IGF2R: variants seen among roughly 807,000 people sequenced by gnomAD.
IGF2R encodes the protein cation-independent mannose-6-phosphate receptor.
IGF2R carries 91 observed loss-of-function variants against 270.6 expected under a neutral mutation model. The observed-to-expected ratio is 0.34, with a 90% CI of 0.28 to 0.40. The LOEUF is 0.40. IGF2R is among the 10% of genes least tolerant of loss of function. The pLI, the probability that IGF2R is intolerant of heterozygous loss-of-function variation, is 1.00. For synonymous variants in IGF2R, 1,316 were observed against 1,258.9 expected (o/e 1.05, Z -0.96); for missense variants, 2,805 against 3,188.3 (o/e 0.88, Z 2.90).
intron 32 of IGF2R, 57 bp downstream of exon 32, chr6:160,072,093 A>C: frequency 6.2e-7 from 1 of 1,608,334 alleles, no homozygotes; most frequent in Non-Finnish European, 8.5e-7. Context: ...TGCCCCCACC[A>C]AACCCAGCTC....
At chr6:159,975,322 A>T (rs957361388) in intron 1 of IGF2R, among the ~76,000 whole-genome samples, 28 of 152,190 alleles carry the variant, frequency 1.8e-4, no homozygotes, top group African/African-American at 6.0e-4. Context: ...AGGGCGAGGT[A>T]TTGGGGAAGG....
chr6:160,032,483 T>C, intron 7 of IGF2R, 68 bp from the exon 8 acceptor site: 1 of 1,426,030 alleles, frequency 7.0e-7, no homozygotes, highest in East Asian at 2.3e-5. Flanking sequence ...TTTTCATAAG[T>C]GTGGAAAATC....
rs114271206 is a variant in IGF2R at position 159,990,499 on chromosome 6, C to G, written c.150-685C>G. On this transcript the variant is annotated intron_variant, in intron 1 of 47. Coordinates refer to ENST00000356956, the MANE Select transcript of IGF2R (RefSeq NM_000876.4). ...GTTTCTTGAGGCCTCCCTAGCCATG[C>G]TTAACTATGAGTCAATTAAACCTCT... Among the ~76,000 whole-genome samples, 162 of 152,328 alleles carry G rather than the reference C, an allele frequency of 1.1e-3. 2 individuals carry two copies. Among genetic ancestry groups the G allele is most frequent in the African/African-American group, 3.7e-3 (155 of 41,578 alleles).
chr6:160,025,673 T>A (rs1233883425), intron 5 of IGF2R, among the ~76,000 whole-genome samples: 1 of 152,054 alleles, frequency 6.6e-6, no homozygotes, highest in Non-Finnish European at 1.5e-5. Flanking sequence ...GATAACTAGG[T>A]TTTTTTGTGT....
At chr6:160,027,823 C>T (rs755104580) in intron 6 of IGF2R, among the ~76,000 whole-genome samples, 3 of 152,200 alleles carry the variant, frequency 2.0e-5, no homozygotes, top group Admixed American at 1.3e-4. Flanking sequence ...GGCAGACATA[C>T]GCATTTCTCT....
chr6:160,043,086 A>T (rs989657474), intron 11 of IGF2R, 62 bp from the exon 12 acceptor site: 1 of 1,578,200 alleles, frequency 6.3e-7, no homozygotes, highest in Non-Finnish European at 8.7e-7. Flanking sequence ...ATCACTATTT[A>T]TTCTGTGACT....
At chr6:160,067,215 G>A (rs1440074937) in intron 29 of IGF2R, among the ~76,000 whole-genome samples, 1 of 152,020 alleles carries the variant, frequency 6.6e-6, no homozygotes, top group Non-Finnish European at 1.5e-5. Context: ...TGTGCCTCGG[G>A]CCCTTTGCTC....
chr6:160,084,945 A>G lies in IGF2R; in HGVS notation c.6069-50A>G. ...GTGAAGAGCCCTCCTGTGTCAGGGC[A>G]GAGACGTCACTTGCATGCCTTTTAC... On this transcript the variant is annotated intron_variant, in intron 40 of 47. Transcript: ENST00000356956. The surrounding 1 kb of genome is among the most constrained non-coding windows in gnomAD (Gnocchi z 4.6). 3.2e-6 allele frequency: 5 copies of G among 1,583,950 alleles called. No individual in the cohort carries two copies. The highest frequency in any genetic ancestry group is 4.3e-6 in the Non-Finnish European group (5 of 1,157,160).
intron 4 of IGF2R, among the ~76,000 whole-genome samples, chr6:160,018,997 C>T (rs372203213): frequency 6.6e-6 from 1 of 151,852 alleles, no homozygotes; most frequent in South Asian, 2.1e-4. Context: ...CCAAAAAATG[C>T]AGTACAAAGG....
chr6:160,008,601 C>T (rs1347069690), intron 2 of IGF2R, among the ~76,000 whole-genome samples: 1 of 152,006 alleles, frequency 6.6e-6, no homozygotes, highest in Non-Finnish European at 1.5e-5. Flanking sequence ...AGTTATATAT[C>T]CTGATTTGTA....
chr6:159,986,403 TG>T (rs1328830886), intron 1 of IGF2R, among the ~76,000 whole-genome samples: 1,091 of 70,440 alleles, frequency 0.015, 15 homozygotes, highest in African/African-American at 0.048. Flanking sequence ...GGCTAATTTT[TG>T]TGTGTGTGTG....
intron 30 of IGF2R, 63 bp from the exon 31 acceptor site, chr6:160,069,805 T>C: frequency 1.3e-6 from 2 of 1,483,640 alleles, no homozygotes; most frequent in Non-Finnish European, 1.9e-6. Flanking sequence ...TATTGCCTGA[T>C]GAAGTTCTGT....
At chr6:160,081,807 T>C (rs1778988404) in intron 39 of IGF2R, among the ~76,000 whole-genome samples, 1 of 152,376 alleles carries the variant, frequency 6.6e-6, no homozygotes, top group South Asian at 2.1e-4. Flanking sequence ...AATATGGCTC[T>C]GTCCTCACCG....
chr6:160,060,044 G>T (rs559392674), intron 22 of IGF2R, among the ~76,000 whole-genome samples: 5 of 152,192 alleles, frequency 3.3e-5, no homozygotes, highest in Non-Finnish European at 5.9e-5. Flanking sequence ...AACATAGGCC[G>T]CTGTTGCAGT....
chr6:160,100,699 C>T (rs1207427321), intron 45 of IGF2R, among the ~76,000 whole-genome samples: 1 of 116,880 alleles, frequency 8.6e-6, no homozygotes, highest in East Asian at 3.0e-4. Flanking sequence ...AAATTAACCA[C>T]AAAGCAGGCA....
chr6:159,977,822 G>A (rs575957735), intron 1 of IGF2R, among the ~76,000 whole-genome samples: 2 of 150,734 alleles, frequency 1.3e-5, no homozygotes, highest in South Asian at 2.1e-4. Context: ...TAGGCTAGGC[G>A]TGGGATGCTA....
rs74496305 is a variant in IGF2R at position 160,009,178 on chromosome 6, A to T, written c.414+44A>T. The T allele has an allele frequency of 1.4e-3, 2,202 of 1,546,422 alleles. 31 individuals are homozygous for T. The African/African-American group carries it at 0.027, about 19-fold the overall frequency. On this transcript the variant is annotated intron_variant, in intron 3 of 47. Transcript: ENST00000356956. ...TTGATGTATTTCTTTAAAAAAAAAA[A>T]GGTCTGCCCCTTGGTGTTCTGGCTG... is the stretch of plus-strand genomic sequence containing the variant.
Position 160,104,583 on chromosome 6 carries a change from C to T in IGF2R, c.7066-91C>T, listed in dbSNP as rs2114746436. 2.2e-6 allele frequency: 3 copies of T among 1,363,040 alleles called. No homozygotes were observed. In the South Asian group the frequency reaches 4.1e-5, roughly 19 times the overall value. The allele number at this position is 1,363,040 out of a possible 1,614,324, so 84.4% of individuals were successfully genotyped here. A position where few individuals can be genotyped will look rare whatever the true frequency, so the allele number is the denominator to read the frequency against. ...TGGGCCAGTTCTTCCCCAGCTCGTGCCAGCAGAGAGCATCCCTGATGTGGT... is the reference window on the plus strand; with the variant it reads ...TGGGCCAGTTCTTCCCCAGCTCGTGTCAGCAGAGAGCATCCCTGATGTGGT... On this transcript the variant is annotated intron_variant, in intron 47 of 47. Transcript: ENST00000356956.
At chr6:160,079,447 C>G in intron 37 of IGF2R, 133 bp from the exon 38 acceptor site, 1 of 555,302 alleles carries the variant, frequency 1.8e-6, no homozygotes, top group Non-Finnish European at 2.8e-6. Context: ...TTGCGTGGCT[C>G]TGATGCACAC....
Sources: gnomAD v4.1 joint callset for allele counts (sites outside exome capture counted in the v4.1 genomes callset) on GRCh38, gnomAD v4.1.1 for gene constraint, Gnocchi (gnomAD v3.1) non-coding constraint, MANE v1.5 for transcripts, NCBI Gene and HGNC (gene_info 2026-07-23, HGNC 2026-07-21) for gene names.